The following SLC12A5 variants were observed in gnomAD, a reference collection of about 807,000 sequenced individuals.
SLC12A5 encodes the protein K-Cl cotransporter 2.
In SLC12A5, 18 loss-of-function variants were observed where a neutral mutation model predicts 124.0. The ratio of observed to expected loss-of-function variants is 0.15; its 90% CI spans 0.10 to 0.22. The LOEUF (loss-of-function observed/expected upper bound fraction) is 0.22. Among genes scored for constraint, SLC12A5 ranks in the 10% least tolerant of loss-of-function variants. The pLI is 1.00. For missense variants in SLC12A5, 867 were observed against 1,478.7 expected (o/e 0.59, Z 6.78); for synonymous variants, 589 against 568.0 (o/e 1.04, Z -0.53).
chr20:46,057,472 G>A lies in SLC12A5; in HGVS notation c.3260-42G>A. Reference sequence around the variant, plus strand: ...GCCGAGCGCGACCCCAATTTCGTCGGGAGGGAAGGAGACCGGGTCTTTCTC... The same window carrying A: ...GCCGAGCGCGACCCCAATTTCGTCGAGAGGGAAGGAGACCGGGTCTTTCTC... On this transcript the variant is annotated intron_variant, in intron 25 of 25. Coordinates refer to ENST00000243964, the MANE Select transcript of SLC12A5 (RefSeq NM_020708.5). This position sits in a 1 kb window ranked among gnomAD's most constrained non-coding sequence, Gnocchi z 7.1. 6.2e-7 allele frequency: 1 copy of A among 1,610,650 alleles called. No homozygotes were observed. The highest frequency in any genetic ancestry group is 8.5e-7 in the Non-Finnish European group (1 of 1,176,898).
chr20:46,058,600 G>C lies in SLC12A5; in HGVS notation c.*995G>C, dbSNP rs1272964664. ...GCCCCACCGAGGAAGCCCCGCCCCGGTGCCTTCGCTGGGGAGCAGGCGTCT... is the reference window on the plus strand; with the variant it reads ...GCCCCACCGAGGAAGCCCCGCCCCGCTGCCTTCGCTGGGGAGCAGGCGTCT... On this transcript the variant is annotated 3_prime_UTR_variant, in exon 26 of 26. Transcript: ENST00000243964. The surrounding 1 kb of genome is among the most constrained non-coding windows in gnomAD (Gnocchi z 5.8). The C allele has an allele frequency of 5.0e-6, 2 of 399,036 alleles. No individual in the cohort carries two copies. Among genetic ancestry groups the C allele is most frequent in the African/African-American group, 4.1e-5 (2 of 48,626 alleles). The allele number at this position is 399,036 out of a possible 1,614,324, so 24.7% of individuals were successfully genotyped here. A position where few individuals can be genotyped will look rare whatever the true frequency, so the allele number is the denominator to read the frequency against.
At chr20:46,038,039 C>T (rs1415364495) in intron 6 of SLC12A5, among the ~76,000 whole-genome samples, 1 of 152,188 alleles carries the variant, frequency 6.6e-6, no homozygotes, top group Non-Finnish European at 1.5e-5. Context: ...CATCCCCTTC[C>T]TGTAGGGCAT....
intron 1 of SLC12A5, among the ~76,000 whole-genome samples, chr20:46,032,293 C>T (rs866784675): frequency 1.3e-5 from 2 of 152,248 alleles, no homozygotes; most frequent in South Asian, 4.1e-4. Flanking sequence ...CCACCCGCCC[C>T]CGCGAAGGAG....
Position 46,037,398 on chromosome 20 carries a change from G to A in SLC12A5, c.612+13G>A. ...CGAAATCCTGCTGGTAAGAGAGGCT[G>A]AGGAGGAGGTGTGGAACCCCAGGTT... On this transcript the variant is annotated intron_variant, in intron 6 of 25. Transcript: ENST00000243964. 2.5e-6 allele frequency: 4 copies of A among 1,602,588 alleles called. No individual in the cohort carries two copies. The highest frequency in any genetic ancestry group is 3.4e-6 in the Non-Finnish European group (4 of 1,173,396).
At chr20:46,023,675 A>C (rs16991010), downstream of SLC12A5, 76,163 of 383,618 alleles carry the variant, frequency 0.2, 8,255 homozygotes, top group East Asian at 0.33. Flanking sequence ...TTCGTTCTGT[A>C]AGTTATAGCT....
intron 20 of SLC12A5, 47 bp from the exon 21 acceptor site, chr20:46,054,869 C>T (rs750152970): frequency 1.4e-5 from 19 of 1,404,746 alleles, no homozygotes; most frequent in African/African-American, 1.1e-4. Context: ...TGCTTTCCTC[C>T]GTGTTCCTCT....
chr20:46,041,176 AAGCCAATGGCC>A, intron 7 of SLC12A5, 142 bp from the exon 8 acceptor site: 1 of 655,190 alleles, frequency 1.5e-6, no homozygotes, highest in Non-Finnish European at 2.6e-6. Flanking sequence ...AAAAAAAAAA[AAGCCAATGGCC>A]AGGCTTCATT....
chr20:46,035,027 C>T lies in SLC12A5; in HGVS notation c.132C>T (p.Asn44=), dbSNP rs2084484757. The change falls in exon 2 of 26, where the codon AAC becomes AAT. Residue 44 remains asparagine (N), a synonymous_variant. Coordinates refer to ENST00000243964, the MANE Select transcript of SLC12A5 (RefSeq NM_020708.5). ...AGGGAAAGGAGTATGATGGCAAGAACATGGCCTTGTTTGAGGTGGGCTGCT... is the reference window on the plus strand; with the variant it reads ...AGGGAAAGGAGTATGATGGCAAGAATATGGCCTTGTTTGAGGTGGGCTGCT... ...TEKGKEYDGK[N]MALFEEEMDT... is the part of the protein sequence containing the mutation. 1.2e-6 allele frequency: 2 copies of T among 1,613,988 alleles called. No homozygotes were observed. Among genetic ancestry groups the T allele is most frequent in the Non-Finnish European group, 1.7e-6 (2 of 1,179,926 alleles).
chr20:46,045,980 G>A lies in SLC12A5; in HGVS notation c.1672G>A (p.Ala558Thr). 1 of 1,614,052 alleles carries A rather than the reference G, an allele frequency of 6.2e-7. No homozygotes were observed. The highest frequency in any genetic ancestry group is 8.5e-7 in the Non-Finnish European group (1 of 1,179,968). ...GILIASLDEV[A>T]PILSMFFLMC... The stretch of plus-strand genomic sequence containing the variant: ...CCTCATTGCATCCCTCGACGAGGTG[G>A]CCCCCATCCTCTCTATGTGCGTGCC... The change falls in exon 13 of 26, where the codon GCC (alanine) becomes ACC (threonine). Residue 558 changes from alanine to threonine, a missense_variant. By Grantham distance (58) the Ala-to-Thr change is moderately conservative. This residue lies in a region of SLC12A5 where 152 missense variants were observed against 358.7 expected (regional missense o/e 0.42). Coordinates refer to ENST00000243964, the MANE Select transcript of SLC12A5 (RefSeq NM_020708.5). The surrounding 1 kb of genome is among the most constrained non-coding windows in gnomAD (Gnocchi z 4.9).
upstream of SLC12A5, chr20:46,027,822 T>C (rs1290497595): frequency 6.6e-6 from 1 of 152,202 alleles, no homozygotes; most frequent in Non-Finnish European, 1.5e-5. Flanking sequence ...CCACTGGCAT[T>C]ATGTCCACAG....
intron 16 of SLC12A5, among the ~76,000 whole-genome samples, chr20:46,048,392 C>T (rs191480288): frequency 4.6e-5 from 7 of 152,268 alleles, no homozygotes; most frequent in African/African-American, 1.7e-4. Context: ...TGATGTATGG[C>T]AAGTCCCCTT....
At chr20:46,024,108 A>G (rs1034486816), downstream of SLC12A5, among the ~76,000 whole-genome samples, 1 of 151,458 alleles carries the variant, frequency 6.6e-6, no homozygotes, top group Non-Finnish European at 1.5e-5. Context: ...GCAGGTGTGT[A>G]TGAGCCTGGA....
chr20:46,033,465 C>G (rs2084471293), intron 1 of SLC12A5, among the ~76,000 whole-genome samples: 1 of 152,158 alleles, frequency 6.6e-6, no homozygotes, highest in African/African-American at 2.4e-5. Flanking sequence ...GCCCAAGATA[C>G]TTTCTCCTCG....
chr20:46,057,637 G>T lies in SLC12A5; in HGVS notation c.*32G>T. The T allele has an allele frequency of 3.2e-6, 5 of 1,567,108 alleles. No individual in the cohort carries two copies. The highest frequency in any genetic ancestry group is 4.4e-6 in the Non-Finnish European group (5 of 1,147,198). The stretch of plus-strand genomic sequence containing the variant: ...GGACCTGCCACCCGGGCCCGAGCGC[G>T]CCCGGCCCGCGGCTCCGGAGCCCTC... On this transcript the variant is annotated 3_prime_UTR_variant, in exon 26 of 26. Transcript: ENST00000243964. This position sits in a 1 kb window ranked among gnomAD's most constrained non-coding sequence, Gnocchi z 7.1.
At chr20:46,047,303 C>A in intron 14 of SLC12A5, 151 bp from the exon 15 acceptor site, 1 of 968,032 alleles carries the variant, frequency 1.0e-6, no homozygotes, top group Non-Finnish European at 1.5e-6. Flanking sequence ...CCGTAGTCCT[C>A]ATGGGGATGA....
chr20:46,040,231 C>T (rs1409140793), intron 6 of SLC12A5, 142 bp from the exon 7 acceptor site: 6 of 1,251,194 alleles, frequency 4.8e-6, no homozygotes, highest in Admixed American at 2.0e-5. Context: ...CCTTCTTTAG[C>T]GATTCTCCTA....
At position 46,047,570 on chromosome 20, in the gene SLC12A5, G is replaced by A. The variant is rs746932137; in HGVS notation, c.1904G>A (p.Arg635His). ...CTCATCTACAAGTACATTGAGTACC[G>A]TGGGTGAGTGTGGGGAGTGGAGGTT... ...AGLIYKYIEY[R>H]GAEKEWGDGI... Residue 635 changes from arginine to histidine, a missense_variant, in exon 15 of 26, where the codon CGT becomes CAT. Physicochemically the swap from Arg to His is conservative, Grantham distance 29. Transcript: ENST00000243964. 2.1e-5 allele frequency: 34 copies of A among 1,613,348 alleles called. No individual in the cohort carries two copies. Among genetic ancestry groups the A allele is most frequent in the Middle Eastern group, 1.7e-4 (1 of 6,058 alleles).
At chr20:46,032,023 C>T (rs2084455715) in intron 1 of SLC12A5, among the ~76,000 whole-genome samples, 1 of 152,236 alleles carries the variant, frequency 6.6e-6, no homozygotes, top group Non-Finnish European at 1.5e-5. Flanking sequence ...GCCTGGCGTC[C>T]CGCCCAGGCA....
At chr20:46,044,847 C>T (rs1209137798) in intron 11 of SLC12A5, 119 bp from the exon 12 acceptor site, 4 of 1,108,730 alleles carry the variant, frequency 3.6e-6, no homozygotes, top group Non-Finnish European at 5.3e-6. Context: ...TCCCCTGTCA[C>T]CCTTACAGAA....
Sources: allele counts gnomAD v4.1 joint callset (sites outside exome capture counted in the v4.1 genomes callset), GRCh38; gene constraint gnomAD v4.1.1; regional missense constraint gnomAD v4.1.1; non-coding constraint Gnocchi (gnomAD v3.1); transcripts MANE v1.5; gene names NCBI Gene and HGNC (gene_info 2026-07-23, HGNC 2026-07-21).